GABBR2: variants seen among roughly 807,000 people sequenced by gnomAD.
GABBR2 encodes the protein G-protein coupled receptor 51.
Under a neutral mutation model 105.6 loss-of-function variants are expected in GABBR2, and 23 were observed. The ratio of observed to expected loss-of-function variants is 0.22; its 90% CI spans 0.16 to 0.31. GABBR2 has a LOEUF of 0.31. Among genes scored for constraint, GABBR2 ranks in the 10% least tolerant of loss-of-function variants. The probability of loss-of-function intolerance (pLI) is 1.00; values close to 1 mark genes in which losing one functional copy is unlikely to be tolerated. For synonymous variants in GABBR2, 478 were observed against 499.7 expected (o/e 0.96, Z 0.58); for missense variants, 734 against 1,245.5 (o/e 0.59, Z 6.18).
At chr9:98,503,055 T>C (rs982367968) in intron 3 of GABBR2, among the ~76,000 whole-genome samples, 11 of 152,198 alleles carry the variant, frequency 7.2e-5, no homozygotes, top group Non-Finnish European at 1.3e-4. Context: ...GAGGCATTCA[T>C]CAGCTGACTG....
intron 9 of GABBR2, among the ~76,000 whole-genome samples, chr9:98,393,033 T>A (rs78893084): frequency 0.2 from 5,115 of 25,798 alleles, 321 homozygotes; most frequent in African/African-American, 0.36. Context: ...CATCCACCCA[T>A]CCATCCATCC....
intron 1 of GABBR2, among the ~76,000 whole-genome samples, chr9:98,695,062 C>T (rs1830731518): frequency 6.6e-6 from 1 of 152,250 alleles, no homozygotes; most frequent in Non-Finnish European, 1.5e-5. Context: ...CTCACAGATG[C>T]CTGATAACAT....
intron 1 of GABBR2, among the ~76,000 whole-genome samples, chr9:98,659,496 T>TA (rs758485097): frequency 3.5e-5 from 5 of 141,106 alleles, no homozygotes; most frequent in Admixed American, 7.1e-5. Context: ...CTTTTTTTTT[T>TA]AAACAACCTT....
At chr9:98,429,121 GGTGTGTGTGT>G (rs56248488) in intron 7 of GABBR2, among the ~76,000 whole-genome samples, 5 of 145,482 alleles carry the variant, frequency 3.4e-5, no homozygotes, top group South Asian at 2.2e-4. Flanking sequence ...CCAGGTTTTT[GGTGTGTGTGT>G]GTGTGTGTGT....
At chr9:98,374,637 G>C (rs1394315785) in intron 11 of GABBR2, among the ~76,000 whole-genome samples, 1 of 152,118 alleles carries the variant, frequency 6.6e-6, no homozygotes, top group Admixed American at 6.5e-5. Context: ...AAAAACCCTG[G>C]GCGTGTCATC....
intron 1 of GABBR2, among the ~76,000 whole-genome samples, chr9:98,626,812 GATTC>G (rs1329969867): frequency 6.6e-6 from 1 of 152,116 alleles, no homozygotes; most frequent in African/African-American, 2.4e-5. Context: ...TTGGAGGAAG[GATTC>G]ATTCAGTCAG....
intron 2 of GABBR2, among the ~76,000 whole-genome samples, chr9:98,575,996 A>T (rs936895258): frequency 5.3e-5 from 8 of 152,152 alleles, no homozygotes; most frequent in African/African-American, 1.9e-4. Flanking sequence ...TCATGCACCT[A>T]CCATAGCACC....
chr9:98,668,332 T>A (rs1455187176), intron 1 of GABBR2, among the ~76,000 whole-genome samples: 1 of 152,250 alleles, frequency 6.6e-6, no homozygotes, highest in Non-Finnish European at 1.5e-5. Flanking sequence ...CCCCTTGGTA[T>A]CATGCTTAGG....
intron 9 of GABBR2, among the ~76,000 whole-genome samples, chr9:98,390,190 C>T (rs1832153648): frequency 1.3e-5 from 2 of 152,162 alleles, no homozygotes; most frequent in South Asian, 4.2e-4. Flanking sequence ...GCCTGGCCAA[C>T]ATGGGGAAAC....
At chr9:98,529,184 T>C (rs1828018287) in intron 3 of GABBR2, among the ~76,000 whole-genome samples, 1 of 151,692 alleles carries the variant, frequency 6.6e-6, no homozygotes, top group Non-Finnish European at 1.5e-5. Context: ...CCAACAGTTT[T>C]GGAAAAAAGA....
chr9:98,385,938 T>C (rs1335638051), intron 10 of GABBR2, among the ~76,000 whole-genome samples, 166 bp from the exon 11 acceptor site: 1 of 152,110 alleles, frequency 6.6e-6, no homozygotes, highest in Admixed American at 6.5e-5. Flanking sequence ...CAGCAGGAAG[T>C]CCCACATTTC....
chr9:98,346,417 T>C (rs572402605), intron 13 of GABBR2, among the ~76,000 whole-genome samples: 1 of 152,218 alleles, frequency 6.6e-6, no homozygotes, highest in Non-Finnish European at 1.5e-5. Context: ...TCCTCACTCA[T>C]GAAAGTTATT....
chr9:98,639,824 G>C (rs868507946), intron 1 of GABBR2, among the ~76,000 whole-genome samples: 2 of 151,972 alleles, frequency 1.3e-5, no homozygotes, highest in African/African-American at 4.8e-5. Flanking sequence ...GCCTTATCTC[G>C]GGAGGCACTC....
intron 1 of GABBR2, chr9:98,606,990 C>A: frequency 2.4e-6 from 2 of 847,346 alleles, no homozygotes; most frequent in Non-Finnish European, 4.0e-6. Flanking sequence ...CGCCCCATGT[C>A]GCTCGGTAGC....
chr9:98,479,838 C>G (rs1163485551), intron 5 of GABBR2, among the ~76,000 whole-genome samples: 1 of 152,166 alleles, frequency 6.6e-6, no homozygotes, highest in East Asian at 1.9e-4. Flanking sequence ...AACTGGGGGT[C>G]ATCTGGAACA....
chr9:98,326,245 C>A (rs1380482787), intron 13 of GABBR2, among the ~76,000 whole-genome samples: 2 of 152,164 alleles, frequency 1.3e-5, no homozygotes, highest in Non-Finnish European at 1.5e-5. Flanking sequence ...TTTGGCACAG[C>A]AAAACAGTGA....
intron 7 of GABBR2, among the ~76,000 whole-genome samples, chr9:98,413,728 A>G (rs1832631560): frequency 6.6e-6 from 1 of 152,134 alleles, no homozygotes; most frequent in Admixed American, 6.5e-5. Flanking sequence ...AGAGGGTGCA[A>G]GTAGTGACCC....
intron 2 of GABBR2, among the ~76,000 whole-genome samples, chr9:98,549,779 C>A (rs1043466251): frequency 6.6e-6 from 1 of 152,206 alleles, no homozygotes; most frequent in African/African-American, 2.4e-5. Flanking sequence ...TCCTGGCCCA[C>A]AGAAGATCCT....
intron 13 of GABBR2, among the ~76,000 whole-genome samples, chr9:98,355,800 T>C (rs969807812): frequency 6.6e-6 from 1 of 152,214 alleles, no homozygotes; most frequent in Non-Finnish European, 1.5e-5. Flanking sequence ...AGAAGTGACA[T>C]TCCCTGACTT....
Sources: gnomAD v4.1 joint callset for allele counts (sites outside exome capture counted in the v4.1 genomes callset) on GRCh38, gnomAD v4.1.1 for gene constraint, MANE v1.5 for transcripts, NCBI Gene and HGNC (gene_info 2026-07-23, HGNC 2026-07-21) for gene names.